The following NAA11 variants were observed in gnomAD, a reference collection of about 807,000 sequenced individuals.
NAA11 encodes N-alpha-acetyltransferase 11, NatA catalytic subunit.
A neutral mutation model predicts 16.1 loss-of-function variants in NAA11; 15 were observed. The ratio of observed to expected loss-of-function variants is 0.93; its 90% CI spans 0.62 to 1.44. The LOEUF is 1.44. Ranked by LOEUF, NAA11 falls within the 40% of genes most tolerant of loss-of-function variation. The pLI is 0.00. For missense variants in NAA11, 298 were observed against 291.3 expected (o/e 1.02, Z -0.17); for synonymous variants, 122 against 112.4 (o/e 1.09, Z -0.54).
chr4:79,204,928 T>TACACACACACACACACACACACACAC, the NAA11 span, among the ~76,000 whole-genome samples: 1 of 147,786 alleles, frequency 6.8e-6, no homozygotes. Context: ...ATGGTGTGTA[T>TACACACACACACACACACACACACAC]ACACACACAC....
chr4:79,231,841 G>A (rs1721473410), intron 2 of NAA11, among the ~76,000 whole-genome samples: 2 of 151,392 alleles, frequency 1.3e-5, no homozygotes, highest in Non-Finnish European at 3.0e-5. Flanking sequence ...GATGCATTCG[G>A]CAAAAATCCT....
the NAA11 span, among the ~76,000 whole-genome samples, chr4:79,161,214 T>C: frequency 1.3e-5 from 2 of 152,180 alleles, no homozygotes; most frequent in Admixed American, 6.5e-5. Context: ...CTTTCCCTGT[T>C]GCGCAGGCTG....
At chr4:79,287,682 T>C (rs1311885693) in intron 2 of NAA11, among the ~76,000 whole-genome samples, 1 of 150,930 alleles carries the variant, frequency 6.6e-6, no homozygotes, top group Non-Finnish European at 1.5e-5. Context: ...TGTGTGTGAG[T>C]GAGAGAAAGA....
chr4:79,160,164 G>A, the NAA11 span, among the ~76,000 whole-genome samples: 1 of 151,780 alleles, frequency 6.6e-6, no homozygotes, highest in Non-Finnish European at 1.5e-5. Context: ...GCTAATTTTT[G>A]TATTTTTAGT....
intron 1 of NAA11, among the ~76,000 whole-genome samples, chr4:79,295,582 T>A (rs1723197230): frequency 6.6e-6 from 1 of 152,222 alleles, no homozygotes; most frequent in African/African-American, 2.4e-5. Flanking sequence ...TCTCAGGAGT[T>A]GGTTTATCCC....
chr4:79,297,289 T>A (rs2109998559), intron 1 of NAA11, among the ~76,000 whole-genome samples: 1 of 152,284 alleles, frequency 6.6e-6, no homozygotes, highest in South Asian at 2.1e-4. Flanking sequence ...GGAGCCAGGC[T>A]GAGCCACCCA....
chr4:79,296,443 T>C (rs1484144), intron 1 of NAA11, among the ~76,000 whole-genome samples: 91,207 of 152,048 alleles, frequency 0.6, 28,852 homozygotes, highest in African/African-American at 0.8. Context: ...TAGGCACTTA[T>C]AGAACATTTA....
the NAA11 span, among the ~76,000 whole-genome samples, chr4:79,185,305 AC>A: frequency 2.0e-5 from 3 of 152,194 alleles, no homozygotes; most frequent in Non-Finnish European, 4.4e-5. Flanking sequence ...CAATGCCAAG[AC>A]AGCTGGTCTC....
chr4:79,263,618 G>A (rs1722283365), intron 2 of NAA11, among the ~76,000 whole-genome samples: 1 of 152,126 alleles, frequency 6.6e-6, no homozygotes, highest in South Asian at 2.1e-4. Flanking sequence ...ATTTATCTGG[G>A]AGATGTTATC....
At chr4:79,318,518 A>G (rs1723996678) in intron 1 of NAA11, among the ~76,000 whole-genome samples, 1 of 152,216 alleles carries the variant, frequency 6.6e-6, no homozygotes, top group African/African-American at 2.4e-5. Context: ...ACAGAAGTAA[A>G]TAAGATTGAG....
chr4:79,313,250 A>G (rs1723830898), downstream of NAA11, among the ~76,000 whole-genome samples: 1 of 152,206 alleles, frequency 6.6e-6, no homozygotes, highest in Non-Finnish European at 1.5e-5. Context: ...ACAAATTACA[A>G]TGCAGGTTTT....
At chr4:79,190,679 T>C in the NAA11 span, among the ~76,000 whole-genome samples, 1 of 152,098 alleles carries the variant, frequency 6.6e-6, no homozygotes, top group Admixed American at 6.6e-5. Flanking sequence ...TTTTAAGTTA[T>C]TATTTTAGGT....
chr4:79,180,062 G>T, the NAA11 span, among the ~76,000 whole-genome samples: 2 of 152,100 alleles, frequency 1.3e-5, no homozygotes, highest in Non-Finnish European at 2.9e-5. Flanking sequence ...ACCTCCATCT[G>T]GTCTCTCCCT....
the NAA11 span, among the ~76,000 whole-genome samples, chr4:79,171,207 G>A: frequency 6.6e-6 from 1 of 152,158 alleles, no homozygotes; most frequent in African/African-American, 2.4e-5. Flanking sequence ...GGTCATAAGG[G>A]CTCTGCCTTC....
chr4:79,297,104 CT>C (rs1450244822), intron 1 of NAA11, among the ~76,000 whole-genome samples: 1 of 152,196 alleles, frequency 6.6e-6, no homozygotes, highest in Non-Finnish European at 1.5e-5. Flanking sequence ...TCCAGAGCCT[CT>C]GCTGCTCTGC....
the NAA11 span, among the ~76,000 whole-genome samples, chr4:79,163,443 C>A: frequency 1.3e-5 from 2 of 152,204 alleles, no homozygotes; most frequent in Middle Eastern, 3.4e-3. Flanking sequence ...ATAAATAAAG[C>A]AGATAGAAGT....
the NAA11 span, among the ~76,000 whole-genome samples, chr4:79,179,217 T>G: frequency 6.6e-6 from 1 of 152,294 alleles, no homozygotes; most frequent in Non-Finnish European, 1.5e-5. Flanking sequence ...TTTTGTTTTG[T>G]TTTTTGCTTT....
At chr4:79,302,262 C>T (rs955928298) in intron 1 of NAA11, among the ~76,000 whole-genome samples, 10 of 152,182 alleles carry the variant, frequency 6.6e-5, no homozygotes, top group African/African-American at 2.2e-4. Context: ...TAAATCATAT[C>T]TTCTCTTTCC....
intron 2 of NAA11, among the ~76,000 whole-genome samples, chr4:79,291,153 C>T (rs183761334): frequency 5.8e-4 from 88 of 152,130 alleles, no homozygotes; most frequent in Middle Eastern, 3.4e-3. Flanking sequence ...TTTAAAAGAG[C>T]GTGTACAGCA....
Sources: allele counts gnomAD v4.1 joint callset (sites outside exome capture counted in the v4.1 genomes callset), GRCh38; gene constraint gnomAD v4.1.1; transcripts MANE v1.5; gene names NCBI Gene and HGNC (gene_info 2026-07-23, HGNC 2026-07-21).